The following PTCHD4 variants were observed in gnomAD, a reference collection of about 807,000 sequenced individuals.
The protein encoded by PTCHD4 is patched domain-containing protein 4.
A neutral mutation model predicts 58.1 loss-of-function variants in PTCHD4; 33 were observed. The ratio of observed to expected loss-of-function variants is 0.57; its 90% CI spans 0.43 to 0.76. The LOEUF (loss-of-function observed/expected upper bound fraction) is 0.76, where lower values mean the gene tolerates loss of function less well. Among genes scored for constraint, PTCHD4 ranks in the 30% least tolerant of loss-of-function variants. The pLI is 0.00. For missense variants in PTCHD4, 1,058 were observed against 1,027.1 expected (o/e 1.03, Z -0.41); for synonymous variants, 478 against 409.6 (o/e 1.17, Z -2.02).
Position 48,038,536 on chromosome 6 carries a change from AG to A in PTCHD4, c.418-29423del, listed in dbSNP as rs528014461. Among the ~76,000 whole-genome samples, 21 of 152,028 alleles carry A rather than the reference AG, an allele frequency of 1.4e-4. No homozygotes were observed. The East Asian group carries it at 3.7e-3, about 27-fold the overall frequency. On this transcript the variant is annotated intron_variant, in intron 3 of 4. Transcript: ENST00000339488. ...CCCACTGTAATCCCAGCTACTCGGG[AG>A]GCTGAGGCATAAGAATCGCTTGAAC...
At chr6:48,079,117 C>CACA (rs1765115793) in intron 1 of PTCHD4, among the ~76,000 whole-genome samples, 1 of 73,192 alleles carries the variant, frequency 1.4e-5, no homozygotes, top group African/African-American at 4.8e-5. Context: ...AATTCCATCA[C>CACA]AAAAAAAAAA....
At position 47,876,604 on chromosome 6, in the gene PTCHD4, A is replaced by G. The variant is rs1763855163; in HGVS notation, c.*1699T>C. 6.6e-6 allele frequency among the ~76,000 whole-genome samples: 1 copy of G among 151,986 alleles called. No homozygotes were observed. The highest frequency in any genetic ancestry group is 1.5e-5 in the Non-Finnish European group (1 of 67,956). ...GTCAAGGAGTTTTGTTATTTTAGGT[A>G]TTATTAATTTGATTAAAACATAGAA... is the stretch of plus-strand genomic sequence containing the variant. On this transcript the variant is annotated 3_prime_UTR_variant, in exon 5 of 5. Coordinates refer to ENST00000339488, the MANE Select transcript of PTCHD4 (RefSeq NM_001384253.1).
chr6:48,001,879 C>A (rs1177796408), intron 4 of PTCHD4, among the ~76,000 whole-genome samples: 3 of 152,194 alleles, frequency 2.0e-5, no homozygotes, highest in African/African-American at 7.2e-5. Flanking sequence ...GGGCTAATAT[C>A]CAGAATCTAC....
rs1296250161 is a variant in PTCHD4, at chr6:47,864,816, G to A, written c.*13487C>T. 6.6e-6 allele frequency among the ~76,000 whole-genome samples: 1 copy of A among 151,896 alleles called. No homozygotes were observed. The highest frequency in any genetic ancestry group is 6.6e-5 in the Admixed American group (1 of 15,226). ...AGGAAAAGTTTTGAATTAGAGACAG[G>A]CCATCCAATGAATGTGTAACTATGT... On this transcript the variant is annotated 3_prime_UTR_variant, in exon 5 of 5. Transcript: ENST00000339488.
chr6:47,907,768 G>C (rs1764943376), intron 4 of PTCHD4, among the ~76,000 whole-genome samples: 1 of 152,146 alleles, frequency 6.6e-6, no homozygotes, highest in Non-Finnish European at 1.5e-5. Flanking sequence ...GGCAAAGGTT[G>C]AGCAGGGAGC....
chr6:48,029,796 T>G (rs114312577), intron 3 of PTCHD4, among the ~76,000 whole-genome samples: 1 of 152,136 alleles, frequency 6.6e-6, no homozygotes, highest in African/African-American at 2.4e-5. Flanking sequence ...TAGAGTATTA[T>G]ACTTGAAAAT....
At chr6:48,096,497 A>T (rs965724396) in intron 1 of PTCHD4, among the ~76,000 whole-genome samples, 2 of 152,056 alleles carry the variant, frequency 1.3e-5, no homozygotes, top group African/African-American at 4.8e-5. Flanking sequence ...CTGTAATCCC[A>T]GCTACTCAGG....
intron 1 of PTCHD4, among the ~76,000 whole-genome samples, chr6:48,080,327 A>G (rs1765141279): frequency 6.6e-6 from 1 of 152,206 alleles, no homozygotes; most frequent in African/African-American, 2.4e-5. Flanking sequence ...ACATATACTG[A>G]CACATCTCCA....
intron 4 of PTCHD4, among the ~76,000 whole-genome samples, chr6:47,932,048 A>G (rs1339564537): frequency 6.9e-6 from 1 of 145,226 alleles, no homozygotes; most frequent in South Asian, 2.2e-4. Flanking sequence ...GACTGCTCCT[A>G]CAACCTCTGA....
chr6:48,060,570 C>A (rs928683250), intron 3 of PTCHD4, among the ~76,000 whole-genome samples: 2 of 152,176 alleles, frequency 1.3e-5, no homozygotes, highest in African/African-American at 4.8e-5. Flanking sequence ...GCCTGCCAGG[C>A]TCAAGGCATC....
At chr6:48,109,137 A>G (rs1328565307) in intron 1 of PTCHD4, among the ~76,000 whole-genome samples, 1 of 152,182 alleles carries the variant, frequency 6.6e-6, no homozygotes, top group Non-Finnish European at 1.5e-5. Context: ...ACTGTTTTAA[A>G]TGACATCTGC....
chr6:47,857,748 T>A lies in PTCHD4; in HGVS notation c.*20555A>T, dbSNP rs1763335891. Among the ~76,000 whole-genome samples, 1 of 151,958 alleles carries A rather than the reference T, an allele frequency of 6.6e-6. No homozygotes were observed. Among genetic ancestry groups the A allele is most frequent in the Non-Finnish European group, 1.5e-5 (1 of 67,956 alleles). On this transcript the variant is annotated 3_prime_UTR_variant, in exon 5 of 5. Transcript: ENST00000339488. The stretch of plus-strand genomic sequence containing the variant: ...GAACAGGAATGAAAACATTGTGAAG[T>A]AAATCATCTAGTAAAGATGACACTA...
intron 1 of PTCHD4, among the ~76,000 whole-genome samples, chr6:48,095,724 A>T (rs1399580846): frequency 1.1e-4 from 14 of 132,150 alleles, no homozygotes; most frequent in Non-Finnish European, 2.1e-4. Context: ...CAAACAAACA[A>T]AAGGAACCAA....
At chr6:47,893,363 C>T (rs1019943901) in intron 4 of PTCHD4, among the ~76,000 whole-genome samples, 31 of 152,234 alleles carry the variant, frequency 2.0e-4, no homozygotes, top group Admixed American at 1.8e-3. Flanking sequence ...GTATCTAGTC[C>T]TGACAAAAAG....
At chr6:47,983,911 A>G (rs1010190804) in intron 4 of PTCHD4, among the ~76,000 whole-genome samples, 2 of 152,202 alleles carry the variant, frequency 1.3e-5, no homozygotes, top group Non-Finnish European at 2.9e-5. Flanking sequence ...ATGTAAATTC[A>G]TGACAATATT....
In PTCHD4 at chr6:48,068,055, C is replaced by T. The variant is rs1764858615; in HGVS notation, c.417+175G>A. Among the ~76,000 whole-genome samples the T allele has an allele frequency of 6.6e-6, 1 of 152,084 alleles. No homozygotes were observed. Among genetic ancestry groups the T allele is most frequent in the Non-Finnish European group, 1.5e-5 (1 of 68,034 alleles). On this transcript the variant is annotated intron_variant, in intron 3 of 4. Transcript: ENST00000339488. This position sits in a 1 kb window ranked among gnomAD's most constrained non-coding sequence, Gnocchi z 4.2. Reference sequence around the variant, plus strand: ...GGCAGAAGCATGCAGAAGGAGCATACCTTTAATTTAGTGTTGGGATACCTC... The same window carrying T: ...GGCAGAAGCATGCAGAAGGAGCATATCTTTAATTTAGTGTTGGGATACCTC...
At chr6:48,024,117 A>G (rs1763160882) in intron 3 of PTCHD4, among the ~76,000 whole-genome samples, 2 of 152,176 alleles carry the variant, frequency 1.3e-5, no homozygotes, top group African/African-American at 4.8e-5. Flanking sequence ...GTTTGATGAT[A>G]TTTGATGAGA....
At chr6:47,949,457 G>C (rs917382587) in intron 4 of PTCHD4, among the ~76,000 whole-genome samples, 1 of 152,156 alleles carries the variant, frequency 6.6e-6, no homozygotes, top group African/African-American at 2.4e-5. Flanking sequence ...TGCCCTGAAG[G>C]CTGATCTATG....
At chr6:47,925,979 C>T (rs1272084605) in intron 4 of PTCHD4, among the ~76,000 whole-genome samples, 1 of 152,136 alleles carries the variant, frequency 6.6e-6, no homozygotes, top group Non-Finnish European at 1.5e-5. Flanking sequence ...TTCCAAGACT[C>T]TCGCAAATGA....
Sources: gnomAD v4.1 joint callset for allele counts (sites outside exome capture counted in the v4.1 genomes callset) on GRCh38, gnomAD v4.1.1 for gene constraint, Gnocchi (gnomAD v3.1) non-coding constraint, MANE v1.5 for transcripts, NCBI Gene and HGNC (gene_info 2026-07-23, HGNC 2026-07-21) for gene names.